ENOX2: variants seen among roughly 807,000 people sequenced by gnomAD.
ENOX2 encodes ecto-NOX disulfide-thiol exchanger 2.
A neutral mutation model predicts 45.0 loss-of-function variants in ENOX2; 36 were observed. The ratio of observed to expected loss-of-function variants is 0.80; its 90% CI spans 0.61 to 1.06. ENOX2 has a LOEUF of 1.06. ENOX2 is among the 50% of genes least tolerant of loss of function. The pLI is 0.00. For synonymous variants in ENOX2, 174 were observed against 152.3 expected (o/e 1.14, Z -1.05); for missense variants, 423 against 462.5 (o/e 0.91, Z 0.78).
intron 2 of ENOX2, among the ~76,000 whole-genome samples, chrX:130,824,787 CT>C (rs1187314845): frequency 2.7e-5 from 3 of 111,379 alleles, no homozygotes; most frequent in African/African-American, 9.8e-5. Flanking sequence ...GCTAATAAAC[CT>C]CACTAATAAA....
At chrX:130,792,618 C>A (rs1332094186) in intron 2 of ENOX2, among the ~76,000 whole-genome samples, 1 of 110,916 alleles carries the variant, frequency 9.0e-6, no homozygotes, top group Non-Finnish European at 1.9e-5. Flanking sequence ...CATGGTGAAA[C>A]CCCGTCTCTA....
chrX:130,813,111 C>G (rs1200701048), intron 2 of ENOX2, among the ~76,000 whole-genome samples: 1 of 111,475 alleles, frequency 9.0e-6, no homozygotes, highest in African/African-American at 3.3e-5. Flanking sequence ...CTGAAAAATC[C>G]CCAAATCTGA....
At chrX:130,781,727 T>C (rs942874350) in intron 3 of ENOX2, among the ~76,000 whole-genome samples, 3 of 111,953 alleles carry the variant, frequency 2.7e-5, no homozygotes, top group African/African-American at 6.5e-5. Flanking sequence ...TTAGAGCTGA[T>C]TTAACTTTTA....
At chrX:130,673,472 G>A (rs142363382) in intron 6 of ENOX2, among the ~76,000 whole-genome samples, 171 of 106,104 alleles carry the variant, frequency 1.6e-3, no homozygotes, top group African/African-American at 5.5e-3. Context: ...AAGAGATAGA[G>A]ATCTTGAAAA....
intron 2 of ENOX2, among the ~76,000 whole-genome samples, chrX:130,824,486 G>A (rs983976733): frequency 1.8e-5 from 2 of 111,792 alleles, no homozygotes; most frequent in Non-Finnish European, 3.8e-5. Context: ...TTAATGAGAA[G>A]TATTCCAGGT....
rs2035508497 is a variant in ENOX2 at position 130,625,121 on chromosome X, G to A, written c.*193C>T. ...GGAAGTTACAGCACTTGTGGTTTGA[G>A]GCAATTTCTCTTTAGGGCCTGTAGT... is the stretch of plus-strand genomic sequence containing the variant. On this transcript the variant is annotated 3_prime_UTR_variant, in exon 15 of 15. Transcript: ENST00000394363. 3 of 418,206 alleles carry A rather than the reference G, an allele frequency of 7.2e-6. No individual in the cohort carries two copies. Among genetic ancestry groups the A allele is most frequent in the Non-Finnish European group, 1.2e-5 (3 of 250,045 alleles). 34.5% of individuals were successfully genotyped at this position (418,206 alleles called of 1,213,427 possible).
chrX:130,640,612 T>C (rs1168558981), intron 10 of ENOX2, among the ~76,000 whole-genome samples: 1 of 112,183 alleles, frequency 8.9e-6, no homozygotes, highest in Non-Finnish European at 1.9e-5. Flanking sequence ...GGGACATGGA[T>C]GGAGCTGGAA....
intron 2 of ENOX2, among the ~76,000 whole-genome samples, chrX:130,812,047 G>A (rs754148903): frequency 8.1e-5 from 9 of 111,734 alleles, no homozygotes; most frequent in Non-Finnish European, 1.5e-4. Context: ...AATAAAGGAT[G>A]CGAGCTCACA....
At chrX:130,826,653 T>A (rs1489786045) in intron 2 of ENOX2, among the ~76,000 whole-genome samples, 18 of 111,559 alleles carry the variant, frequency 1.6e-4, no homozygotes, top group Non-Finnish European at 2.5e-4. Flanking sequence ...TGTAGGAAAA[T>A]TTTTAAAAGT....
At chrX:130,899,594 G>C (rs896432255) in intron 2 of ENOX2, among the ~76,000 whole-genome samples, 2 of 112,114 alleles carry the variant, frequency 1.8e-5, no homozygotes, top group Middle Eastern at 4.6e-3. Flanking sequence ...AAGGGCTGTC[G>C]GGAAGGCTTC....
At chrX:130,679,299 A>G (rs12396856) in intron 6 of ENOX2, among the ~76,000 whole-genome samples, 1,444 of 111,281 alleles carry the variant, frequency 0.013, 22 homozygotes, top group African/African-American at 0.045. Flanking sequence ...GACTCTAAGA[A>G]GGACAGCCCA....
At chrX:130,749,383 G>A (rs2039163794) in intron 3 of ENOX2, among the ~76,000 whole-genome samples, 1 of 111,668 alleles carries the variant, frequency 9.0e-6, no homozygotes, top group Non-Finnish European at 1.9e-5. Context: ...CGGTCAGTTT[G>A]CTTTATCAAA....
intron 2 of ENOX2, among the ~76,000 whole-genome samples, chrX:130,812,630 C>A (rs1457154781): frequency 8.9e-6 from 1 of 111,740 alleles, no homozygotes; most frequent in Admixed American, 9.5e-5. Context: ...CAATAATTAC[C>A]ATGAATGTAA....
At chrX:130,630,468 A>G (rs1000946005) in intron 13 of ENOX2, among the ~76,000 whole-genome samples, 7 of 111,016 alleles carry the variant, frequency 6.3e-5, no homozygotes, top group Non-Finnish European at 1.3e-4. Flanking sequence ...TTCATCAGTC[A>G]TGCCTATATA....
chrX:130,694,176 A>C (rs1221870328), intron 4 of ENOX2, among the ~76,000 whole-genome samples: 3 of 112,520 alleles, frequency 2.7e-5, no homozygotes, highest in Admixed American at 1.9e-4. Flanking sequence ...CTTCTAAGGT[A>C]GTTTGTTATA....
chrX:130,832,224 G>A (rs2077846019), intron 2 of ENOX2, among the ~76,000 whole-genome samples: 1 of 110,576 alleles, frequency 9.0e-6, no homozygotes, highest in South Asian at 3.8e-4. Context: ...TTTTCCTCAA[G>A]CCATTTATTC....
At chrX:130,691,457 C>T (rs1286701190) in intron 4 of ENOX2, among the ~76,000 whole-genome samples, 1 of 111,542 alleles carries the variant, frequency 9.0e-6, no homozygotes, top group Non-Finnish European at 1.9e-5. Context: ...CTAGGTTTCC[C>T]GTTTGATCTT....
chrX:130,710,109 C>A lies in ENOX2; in HGVS notation c.-38-6855G>T, dbSNP rs184026120. On this transcript the variant is annotated intron_variant, in intron 3 of 14. Coordinates refer to ENST00000394363, the MANE Select transcript of ENOX2 (RefSeq NM_006375.4). ...TGCTTACTATGCACCTCACACTGTTCTAGGCACTTTATGTATATTAATTTA... is the reference window on the plus strand; with the variant it reads ...TGCTTACTATGCACCTCACACTGTTATAGGCACTTTATGTATATTAATTTA... 2.5e-4 allele frequency among the ~76,000 whole-genome samples: 28 copies of A among 112,129 alleles called. No individual in the cohort carries two copies. In the Admixed American group the frequency reaches 2.5e-3, roughly 10 times the overall value.
At chrX:130,678,883 G>A (rs776257892) in intron 6 of ENOX2, among the ~76,000 whole-genome samples, 2 of 111,641 alleles carry the variant, frequency 1.8e-5, no homozygotes, top group Non-Finnish European at 3.8e-5. Flanking sequence ...AACTATTTAT[G>A]AGTATCTACT....
Sources: gnomAD v4.1 joint callset for allele counts (sites outside exome capture counted in the v4.1 genomes callset) on GRCh38, gnomAD v4.1.1 for gene constraint, MANE v1.5 for transcripts, NCBI Gene and HGNC (gene_info 2026-07-23, HGNC 2026-07-21) for gene names.